The following INTS8 variants were observed in gnomAD, a reference collection of about 807,000 sequenced individuals.
The protein encoded by INTS8 is protein kaonashi-1.
A neutral mutation model predicts 138.9 loss-of-function variants in INTS8; 47 were observed. That is an observed-to-expected ratio of 0.34 (90% CI 0.27 to 0.43). The LOEUF (loss-of-function observed/expected upper bound fraction) is 0.43, where lower values mean the gene tolerates loss of function less well. INTS8 is among the 20% of genes least tolerant of loss of function. The probability of loss-of-function intolerance (pLI) is 1.00; values close to 1 mark genes in which losing one functional copy is unlikely to be tolerated. For missense variants in INTS8, 996 were observed against 1,173.0 expected, an observed-to-expected ratio of 0.85 and a Z score of 2.20; for synonymous variants, 392 against 400.9, an observed-to-expected ratio of 0.98 and a Z score of 0.27.
intron 18 of INTS8, 75 bp downstream of exon 18, chr8:94,866,266 TC>T (rs747385519): frequency 2.4e-5 from 19 of 778,790 alleles, no homozygotes; most frequent in Middle Eastern, 2.3e-4. Flanking sequence ...ATTGGGTACT[TC>T]AAATACTGAC....
intron 5 of INTS8, among the ~76,000 whole-genome samples, chr8:94,830,021 G>T (rs1206820204): frequency 1.3e-5 from 2 of 152,080 alleles, no homozygotes; most frequent in Non-Finnish European, 2.9e-5. Flanking sequence ...TCAGCCTCCT[G>T]AATAGCTGGG....
At position 94,823,542 on chromosome 8, in the gene INTS8, T is replaced by C. The variant is rs1267763154; in HGVS notation, c.111T>C (p.His37=). The C allele has an allele frequency of 6.3e-7, 1 of 1,579,462 alleles. No individual in the cohort carries two copies. Among genetic ancestry groups the C allele is most frequent in the Non-Finnish European group, 8.6e-7 (1 of 1,163,494 alleles). The change falls in exon 1 of 27, where the codon CAT becomes CAC. Residue 37 remains histidine (H), a synonymous_variant. Transcript: ENST00000523731. ...FLLEESLLEK[H]LRKPCPDPAP... is the part of the protein sequence containing the mutation. Reference sequence around the variant, plus strand: ...TGGAGGAGTCACTGTTGGAGAAACATCTGCGCAAGCCCTGCCCGGGTGAGC... The same window carrying C: ...TGGAGGAGTCACTGTTGGAGAAACACCTGCGCAAGCCCTGCCCGGGTGAGC...
chr8:94,843,689 T>G (rs1815221787), intron 10 of INTS8, among the ~76,000 whole-genome samples: 1 of 152,138 alleles, frequency 6.6e-6, no homozygotes, highest in Admixed American at 6.5e-5. Context: ...GACATTTGTG[T>G]TGTTTATAGT....
chr8:94,834,737 G>A (rs1039426229), intron 6 of INTS8, among the ~76,000 whole-genome samples: 18 of 151,570 alleles, frequency 1.2e-4, no homozygotes, highest in African/African-American at 2.2e-4. Flanking sequence ...CAAACATGTA[G>A]TGTGGACTAA....
At chr8:94,834,703 CAAAA>C (rs1180267625) in intron 6 of INTS8, among the ~76,000 whole-genome samples, 1 of 85,090 alleles carries the variant, frequency 1.2e-5, no homozygotes, top group Non-Finnish European at 2.4e-5. Flanking sequence ...AACTCCATCT[CAAAA>C]AAAAAAAAAA....
At chr8:94,834,412 T>C (rs1195988905) in intron 6 of INTS8, among the ~76,000 whole-genome samples, 1 of 151,556 alleles carries the variant, frequency 6.6e-6, no homozygotes, top group Non-Finnish European at 1.5e-5. Flanking sequence ...TTTTGCTCTT[T>C]TAGTATCCCT....
chr8:94,871,490 AT>A (rs1381863862), intron 20 of INTS8, among the ~76,000 whole-genome samples: 3 of 152,148 alleles, frequency 2.0e-5, no homozygotes, highest in African/African-American at 7.2e-5. Context: ...AAAAAAAAAA[AT>A]GATAATAATA....
Position 94,853,877 on chromosome 8 carries a change from A to G in INTS8, c.1714A>G (p.Ile572Val). The G allele has an allele frequency of 3.7e-6, 6 of 1,609,832 alleles. No homozygotes were observed. Among genetic ancestry groups the G allele is most frequent in the Non-Finnish European group, 5.1e-6 (6 of 1,176,106 alleles). ...KDNLTRDLVY[I>V]LMAKGLHCST... is the part of the protein sequence containing the mutation. ...CAATTTAACAAGAGATTTGGTTTATATTCTTATGGCCAAAGGTTTGCACTG... is the reference window on the plus strand; with the variant it reads ...CAATTTAACAAGAGATTTGGTTTATGTTCTTATGGCCAAAGGTTTGCACTG... Residue 572 changes from isoleucine to valine, a missense_variant, in exon 14 of 27, where the codon ATT becomes GTT. Transcript: ENST00000523731.
chr8:94,836,751 G>T, intron 7 of INTS8, 120 bp downstream of exon 7: 1 of 609,946 alleles, frequency 1.6e-6, no homozygotes. Context: ...TGATGTTCAA[G>T]AAAGTACTAA....
At chr8:94,862,906 G>A (rs1045815218) in intron 16 of INTS8, among the ~76,000 whole-genome samples, 7 of 152,144 alleles carry the variant, frequency 4.6e-5, no homozygotes, top group South Asian at 2.1e-4. Flanking sequence ...GATATTAACA[G>A]CCATTATCTC....
chr8:94,859,746 A>T (rs1159046838), intron 16 of INTS8, 114 bp downstream of exon 16: 9 of 803,444 alleles, frequency 1.1e-5, no homozygotes, highest in Non-Finnish European at 1.7e-5. Context: ...GATTGGACAA[A>T]TGCTTGTTGA....
At chr8:94,827,882 A>G in intron 4 of INTS8, 89 bp downstream of exon 4, 2 of 1,076,746 alleles carry the variant, frequency 1.9e-6, no homozygotes, top group Non-Finnish European at 2.9e-6. Context: ...CTGTTATAGA[A>G]GAAGTAGAGC....
At chr8:94,867,595 C>T (rs1297791971) in intron 20 of INTS8, 2 of 312,498 alleles carry the variant, frequency 6.4e-6, no homozygotes. Flanking sequence ...ACAATCTCTG[C>T]TCACTGCAAT....
intron 16 of INTS8, among the ~76,000 whole-genome samples, chr8:94,863,648 C>T (rs1816074946): frequency 6.6e-6 from 1 of 152,130 alleles, no homozygotes; most frequent in Non-Finnish European, 1.5e-5. Flanking sequence ...ATAGTAGGTG[C>T]TCAAGAATGT....
chr8:94,853,990 A>C (rs11775899), intron 14 of INTS8, 75 bp downstream of exon 14: 176,069 of 861,572 alleles, frequency 0.2, 19,740 homozygotes, highest in Middle Eastern at 0.27. Context: ...TACCTGTAAT[A>C]CCAGCACTTT....
At chr8:94,839,718 A>G (rs920455031) in intron 8 of INTS8, among the ~76,000 whole-genome samples, 10 of 152,316 alleles carry the variant, frequency 6.6e-5, no homozygotes, top group African/African-American at 2.2e-4. Flanking sequence ...GGTGAGATCA[A>G]TTATCATAAA....
intron 16 of INTS8, among the ~76,000 whole-genome samples, chr8:94,863,194 A>C (rs1008368634): frequency 6.6e-6 from 1 of 152,194 alleles, no homozygotes. Context: ...GTGCTAGTAT[A>C]GGCTAAAACC....
rs1816468604 is a variant in INTS8 at position 94,873,404 on chromosome 8, A to G, written c.2564A>G (p.Tyr855Cys). ...ATNQYSAALH[Y>C]YLQAGAVCSD... ...AATCAGTATTCAGCAGCTCTTCACTATTACCTCCAGGCAGGAGCTGTGTGT... is the reference window on the plus strand; with the variant it reads ...AATCAGTATTCAGCAGCTCTTCACTGTTACCTCCAGGCAGGAGCTGTGTGT... Residue 855 changes from tyrosine (Y) to cysteine (C), a missense_variant, in exon 22 of 27, where the codon TAT becomes TGT. By Grantham distance (194) the Tyr-to-Cys change is radical (BLOSUM62 -2). Coordinates refer to ENST00000523731, the MANE Select transcript of INTS8 (RefSeq NM_017864.4). 2 of 1,613,838 alleles carry G rather than the reference A, an allele frequency of 1.2e-6. No individual in the cohort carries two copies. Among genetic ancestry groups the G allele is most frequent in the Non-Finnish European group, 1.7e-6 (2 of 1,179,772 alleles).
At chr8:94,832,919 G>A (rs1814780034) in intron 6 of INTS8, among the ~76,000 whole-genome samples, 1 of 152,144 alleles carries the variant, frequency 6.6e-6, no homozygotes, top group African/African-American at 2.4e-5. Context: ...CTCCCAAAGT[G>A]CTGGGATTAC....
Sources: allele counts gnomAD v4.1 joint callset (sites outside exome capture counted in the v4.1 genomes callset), GRCh38; gene constraint gnomAD v4.1.1; transcripts MANE v1.5; gene names NCBI Gene and HGNC (gene_info 2026-07-23, HGNC 2026-07-21).